The following ATP10A variants were observed in gnomAD, a reference collection of about 807,000 sequenced individuals.
The protein encoded by ATP10A is ATPase phospholipid transporting 10A (putative).
In ATP10A, 111 loss-of-function variants were observed where a neutral mutation model predicts 147.8. That is an observed-to-expected ratio of 0.75 (90% confidence interval 0.64 to 0.88). The LOEUF (loss-of-function observed/expected upper bound fraction) is 0.88, where lower values mean the gene tolerates loss of function less well. Among genes scored for constraint, ATP10A ranks in the 40% least tolerant of loss-of-function variants. ATP10A has a pLI of 0.00. For missense variants in ATP10A, 1,927 were observed against 1,959.0 expected (o/e 0.98, Z 0.31); for synonymous variants, 875 against 841.6 (o/e 1.04, Z -0.69).
Position 25,777,096 on chromosome 15 carries a change from C to CATGTGTGTGTGTGT in ATP10A, c.654+3922_654+3923insACACACACACACAT, listed in dbSNP as rs1555468162. ...GTGCATGCGTGTGTGTGCATACGTG[C>CATGTGTGTGTGTGT]GTGTGTGTGTGTGTGTGTGTGTACC... On this transcript the variant is annotated intron_variant, in intron 2 of 20. Transcript: ENST00000555815. 6.2e-4 allele frequency among the ~76,000 whole-genome samples: 93 copies of CATGTGTGTGTGTGT among 149,808 alleles called. No individual in the cohort carries two copies. In the East Asian group the frequency reaches 0.011, roughly 18 times the overall value.
At chr15:25,796,577 T>A (rs1161062557) in intron 1 of ATP10A, among the ~76,000 whole-genome samples, 2 of 152,188 alleles carry the variant, frequency 1.3e-5, no homozygotes, top group Non-Finnish European at 2.9e-5. Context: ...TCATGAGTCA[T>A]CGGGGAGCTG....
At chr15:25,771,188 G>A (rs569300204) in intron 2 of ATP10A, among the ~76,000 whole-genome samples, 85 of 152,078 alleles carry the variant, frequency 5.6e-4, no homozygotes, top group African/African-American at 1.8e-3. Context: ...TCCCCACTGA[G>A]GTTAACAGGG....
chr15:25,711,500 CTT>C (rs1409138082), intron 10 of ATP10A, among the ~76,000 whole-genome samples: 1 of 152,074 alleles, frequency 6.6e-6, no homozygotes, highest in Non-Finnish European at 1.5e-5. Flanking sequence ...TAGTCGTTCT[CTT>C]GGGAAACTGC....
intron 2 of ATP10A, among the ~76,000 whole-genome samples, chr15:25,774,225 G>A (rs993019171): frequency 2.6e-5 from 4 of 151,984 alleles, no homozygotes; most frequent in African/African-American, 9.7e-5. Context: ...GATCTTTTTG[G>A]ATAAATATTT....
rs1245813563 is a variant in ATP10A at position 25,714,134 on chromosome 15, C to T, written c.1884G>A (p.Leu628=). The change falls in exon 10 of 21, where the codon CTG becomes CTA. Residue 628 remains leucine, a synonymous_variant. Transcript: ENST00000555815. The stretch of plus-strand genomic sequence containing the variant: ...ACTTGTGGCTGGACTTGTTGGCGGC[C>T]AGGCTCCCGATGCTGCTGCAGCCTG... ...LTSGCSSIGS[L]AANKSSHKLG... is the part of the protein sequence containing the mutation. 1 of 1,612,168 alleles carries T rather than the reference C, an allele frequency of 6.2e-7. No homozygotes were observed. The highest frequency in any genetic ancestry group is 1.3e-5 in the African/African-American group (1 of 74,942).
rs1899367334 is a variant in ATP10A at position 25,680,861 on chromosome 15, T to G, written c.3627A>C (p.Thr1209=). The G allele has an allele frequency of 6.2e-7, 1 of 1,614,048 alleles. No individual in the cohort carries two copies. The highest frequency in any genetic ancestry group is 1.3e-5 in the African/African-American group (1 of 75,008). Residue 1209 remains threonine (T), a synonymous_variant, in exon 19 of 21, where the codon ACA becomes ACC. Transcript: ENST00000555815. The part of the protein sequence containing the change: ...DLFTWGTPIV[T]IALLTFLLHL... Reference sequence around the variant, plus strand: ...GGAGCAGGAAAGTGAGCAGCGCGATTGTCACAATAGGGGTCCCCCAGGTAA... The same window carrying G: ...GGAGCAGGAAAGTGAGCAGCGCGATGGTCACAATAGGGGTCCCCCAGGTAA...
chr15:25,720,684 C>T (rs944375951), intron 7 of ATP10A, among the ~76,000 whole-genome samples: 3 of 151,928 alleles, frequency 2.0e-5, no homozygotes, highest in Non-Finnish European at 2.9e-5. Context: ...TCATGATTAT[C>T]TATTTTGGGT....
At chr15:25,744,898 G>A (rs995691446) in intron 2 of ATP10A, among the ~76,000 whole-genome samples, 2 of 152,176 alleles carry the variant, frequency 1.3e-5, no homozygotes, top group Non-Finnish European at 2.9e-5. Context: ...ATACATAATA[G>A]CTGAGAATGT....
chr15:25,864,897 G>A (rs896294101), upstream of ATP10A: 6 of 152,376 alleles, frequency 3.9e-5, no homozygotes, highest in Admixed American at 3.9e-4. Flanking sequence ...TGTCTTCACA[G>A]GCATCCCCGT....
chr15:25,809,292 G>A lies in ATP10A; in HGVS notation c.450-28069C>T, dbSNP rs1197957449. Among the ~76,000 whole-genome samples the A allele has an allele frequency of 2.6e-5, 4 of 152,206 alleles. No homozygotes were observed. The South Asian group carries it at 6.2e-4, about 24-fold the overall frequency. ...TGGGAGAGAGGAGCATACGTCGGGC[G>A]GGGTGAGACATGACCCAGGCATGCA... On this transcript the variant is annotated intron_variant, in intron 1 of 20. Transcript: ENST00000555815.
In ATP10A at chr15:25,835,734, C is replaced by A. The variant is rs111964334; in HGVS notation, c.449+26914G>T. 3.3e-3 allele frequency among the ~76,000 whole-genome samples: 507 copies of A among 152,284 alleles called. 5 individuals carry two copies. Among genetic ancestry groups the A allele is most frequent in the African/African-American group, 0.012 (496 of 41,552 alleles). On this transcript the variant is annotated intron_variant, in intron 1 of 20. Coordinates refer to ENST00000555815, the MANE Select transcript of ATP10A (RefSeq NM_024490.4). ...TGAACCCCAAACTCCCGGGCTCAAG[C>A]GGTCCTCCCACCTCAGCCTCCCAAG...
At chr15:25,803,208 C>T (rs568226726) in intron 1 of ATP10A, among the ~76,000 whole-genome samples, 1 of 152,334 alleles carries the variant, frequency 6.6e-6, no homozygotes, top group African/African-American at 2.4e-5. Context: ...GTGCTGGTGC[C>T]TCCTTCCCTG....
chr15:25,786,412 A>G (rs912804713), intron 1 of ATP10A, among the ~76,000 whole-genome samples: 3 of 152,146 alleles, frequency 2.0e-5, no homozygotes, highest in African/African-American at 7.2e-5. Flanking sequence ...ATGAAGGCAG[A>G]CAGTCCTCTT....
At chr15:25,801,016 T>C (rs973459902) in intron 1 of ATP10A, among the ~76,000 whole-genome samples, 1 of 152,162 alleles carries the variant, frequency 6.6e-6, no homozygotes, top group African/African-American at 2.4e-5. Context: ...AGGGAAAATA[T>C]GTTTTCCTTT....
Position 25,784,695 on chromosome 15 carries a change from C to T in ATP10A, c.450-3472G>A, listed in dbSNP as rs558037157. Among the ~76,000 whole-genome samples the T allele has an allele frequency of 1.1e-4, 16 of 152,200 alleles. No individual in the cohort carries two copies. The South Asian group carries it at 1.4e-3, about 14-fold the overall frequency. ...ATCCCAGCACTTTGGGAGGCCAAGA[C>T]GGGCGGATCACAAGGTCAGGAGTTT... is the stretch of plus-strand genomic sequence containing the variant. On this transcript the variant is annotated intron_variant, in intron 1 of 20. Transcript: ENST00000555815.
At chr15:25,743,090 A>G (rs1324538321) in intron 2 of ATP10A, among the ~76,000 whole-genome samples, 1 of 152,190 alleles carries the variant, frequency 6.6e-6, no homozygotes, top group African/African-American at 2.4e-5. Context: ...CTGGAGCCTC[A>G]GTGTATTTGT....
chr15:25,837,671 G>A (rs544774416), intron 1 of ATP10A, among the ~76,000 whole-genome samples: 48 of 152,320 alleles, frequency 3.2e-4, no homozygotes, highest in African/African-American at 1.1e-3. Context: ...ATGAACGAGC[G>A]CCACTGGGTA....
intron 1 of ATP10A, among the ~76,000 whole-genome samples, chr15:25,803,412 C>G (rs966564274): frequency 2.6e-5 from 4 of 152,218 alleles, no homozygotes; most frequent in African/African-American, 9.7e-5. Flanking sequence ...GGTGCTGGGA[C>G]ATTTTCTCTC....
intron 13 of ATP10A, among the ~76,000 whole-genome samples, chr15:25,697,638 C>T (rs1900413926): frequency 6.6e-6 from 1 of 152,162 alleles, no homozygotes; most frequent in Admixed American, 6.5e-5. Flanking sequence ...GACAGAAATA[C>T]ATTAACTGAA....
Sources: gnomAD v4.1 joint callset for allele counts (sites outside exome capture counted in the v4.1 genomes callset) on GRCh38, gnomAD v4.1.1 for gene constraint, MANE v1.5 for transcripts, NCBI Gene and HGNC (gene_info 2026-07-23, HGNC 2026-07-21) for gene names.